The following SMCHD1 variants were observed in gnomAD, a reference collection of about 807,000 sequenced individuals.
SMCHD1 encodes the protein structural maintenance of chromosomes flexible hinge domain containing 1, also known as structural maintenance of chromosomes flexible hinge domain-containing protein 1.
A neutral mutation model predicts 254.7 loss-of-function variants in SMCHD1; 78 were observed. The observed-to-expected ratio is 0.31, with a 90% CI of 0.26 to 0.37. SMCHD1 has a LOEUF of 0.37. Among genes scored for constraint, SMCHD1 ranks in the 10% least tolerant of loss-of-function variants. The pLI, the probability that SMCHD1 is intolerant of heterozygous loss-of-function variation, is 1.00. For missense variants in SMCHD1, 1,840 were observed against 2,408.1 expected (o/e 0.76, Z 4.94); for synonymous variants, 766 against 794.9 (o/e 0.96, Z 0.61).
chr18:2,662,747 G>T (rs940536794), intron 1 of SMCHD1, among the ~76,000 whole-genome samples: 56 of 150,784 alleles, frequency 3.7e-4, no homozygotes, highest in Non-Finnish European at 7.8e-4. Flanking sequence ...GACTGTCATG[G>T]TTATATGAAA....
chr18:2,703,410 T>C (rs1249461451), intron 12 of SMCHD1, among the ~76,000 whole-genome samples: 1 of 152,162 alleles, frequency 6.6e-6, no homozygotes, highest in Non-Finnish European at 1.5e-5. Context: ...CAGTTTTTAG[T>C]GTATCCTAGG....
chr18:2,725,325 C>G (rs1407908086), intron 21 of SMCHD1, among the ~76,000 whole-genome samples: 3 of 150,200 alleles, frequency 2.0e-5, no homozygotes, highest in Admixed American at 2.0e-4. Context: ...CTCTCTCCTA[C>G]TGTTTCTGTC....
chr18:2,754,282 C>T (rs1397633391), intron 34 of SMCHD1, among the ~76,000 whole-genome samples: 1 of 152,100 alleles, frequency 6.6e-6, no homozygotes, highest in Non-Finnish European at 1.5e-5. Context: ...TTCCCAATAC[C>T]AATGCCAGGT....
At chr18:2,750,153 GT>G in intron 31 of SMCHD1, 31 bp downstream of exon 31, 1 of 1,550,022 alleles carries the variant, frequency 6.5e-7, no homozygotes, top group Non-Finnish European at 8.7e-7. Context: ...AGTTGTTGGT[GT>G]TATAGAGATT....
intron 17 of SMCHD1, among the ~76,000 whole-genome samples, chr18:2,709,733 C>G (rs1479749014): frequency 6.6e-6 from 1 of 152,164 alleles, no homozygotes; most frequent in Non-Finnish European, 1.5e-5. Flanking sequence ...AAGGTCTATT[C>G]AGGTCCTTTG....
intron 12 of SMCHD1, chr18:2,702,110 A>C (rs1425749170): frequency 2.6e-5 from 4 of 152,006 alleles, no homozygotes; most frequent in Non-Finnish European, 5.9e-5. Context: ...AGAATAAGTT[A>C]ATTCTATTCC....
chr18:2,756,601 A>G (rs1390764789), intron 34 of SMCHD1, among the ~76,000 whole-genome samples: 2 of 152,228 alleles, frequency 1.3e-5, no homozygotes, highest in East Asian at 1.9e-4. Context: ...TTATCAAACT[A>G]TCTTTTTTTT....
chr18:2,735,839 A>G (rs1327785910), intron 25 of SMCHD1, among the ~76,000 whole-genome samples: 2 of 152,212 alleles, frequency 1.3e-5, no homozygotes, highest in Non-Finnish European at 2.9e-5. Context: ...GCCCAAAGCA[A>G]TCTACAGATT....
chr18:2,770,945 A>G (rs1359836873), intron 39 of SMCHD1, among the ~76,000 whole-genome samples: 2 of 152,148 alleles, frequency 1.3e-5, no homozygotes, highest in African/African-American at 4.8e-5. Context: ...ATTCTTAATA[A>G]TGTTTCATAT....
intron 1 of SMCHD1, among the ~76,000 whole-genome samples, chr18:2,664,047 T>C (rs1056127086): frequency 1.3e-5 from 2 of 152,066 alleles, no homozygotes; most frequent in Non-Finnish European, 2.9e-5. Flanking sequence ...GAAATTTTCT[T>C]ATGAAAACCT....
Position 2,802,641 on chromosome 18 carries a change from C to G in SMCHD1, c.*89C>G. 1 of 1,243,916 alleles carries G rather than the reference C, an allele frequency of 8.0e-7. No individual in the cohort carries two copies. Among genetic ancestry groups the G allele is most frequent in the East Asian group, 2.7e-5 (1 of 37,336 alleles). 77.1% of individuals were successfully genotyped at this position (1,243,916 alleles called of 1,614,324 possible). ...TCAGAAGACCAAGAGGGTGACTTAC[C>G]AGACTGAGTATTTCTGGGGACAATA... On this transcript the variant is annotated 3_prime_UTR_variant, in exon 48 of 48. Coordinates refer to ENST00000320876, the MANE Select transcript of SMCHD1 (RefSeq NM_015295.3).
At chr18:2,717,871 G>A (rs1009990210) in intron 17 of SMCHD1, among the ~76,000 whole-genome samples, 3 of 151,838 alleles carry the variant, frequency 2.0e-5, no homozygotes, top group African/African-American at 7.3e-5. Context: ...GGAATTTTTT[G>A]GAGAGGTCAT....
chr18:2,714,054 C>G (rs570752118), intron 17 of SMCHD1, among the ~76,000 whole-genome samples: 1 of 152,140 alleles, frequency 6.6e-6, no homozygotes, highest in Non-Finnish European at 1.5e-5. Context: ...TTTGTTGCAA[C>G]GTTTTCTATC....
intron 26 of SMCHD1, 31 bp downstream of exon 26, chr18:2,738,576 TG>T: frequency 7.0e-6 from 11 of 1,575,294 alleles, no homozygotes; most frequent in Non-Finnish European, 9.5e-6. Flanking sequence ...TTGCAGCCTA[TG>T]GCAACAAAAT....
Position 2,743,774 on chromosome 18 carries a change from G to A in SMCHD1, c.3647G>A (p.Ser1216Asn). The change falls in exon 29 of 48, where the codon AGT (serine) becomes AAT (asparagine). Residue 1216 changes from serine to asparagine, a missense_variant. Coordinates refer to ENST00000320876, the MANE Select transcript of SMCHD1 (RefSeq NM_015295.3). ...LKTTFQENTQ[S>N]ISVRGIKFIP... ...TTTCCTCACTAGGAAAACACACAGA[G>A]TATAAGTGTAAGAGGCATCAAATTT... is the stretch of plus-strand genomic sequence containing the variant. 5 of 1,610,644 alleles carry A rather than the reference G, an allele frequency of 3.1e-6. No individual in the cohort carries two copies. The highest frequency in any genetic ancestry group is 1.1e-5 in the South Asian group (1 of 90,714).
intron 21 of SMCHD1, 113 bp downstream of exon 21, chr18:2,725,108 G>A: frequency 1.8e-6 from 1 of 570,490 alleles, no homozygotes; most frequent in Non-Finnish European, 2.8e-6. Flanking sequence ...ACAGATGACA[G>A]TAATTGGGTT....
chr18:2,739,198 C>T (rs1473794937), intron 26 of SMCHD1, among the ~76,000 whole-genome samples: 1 of 152,172 alleles, frequency 6.6e-6, no homozygotes, highest in African/African-American at 2.4e-5. Context: ...AATACTGTGA[C>T]TTAACATGTC....
At chr18:2,694,247 G>C (rs2074242798) in intron 7 of SMCHD1, among the ~76,000 whole-genome samples, 1 of 152,162 alleles carries the variant, frequency 6.6e-6, no homozygotes, top group Admixed American at 6.5e-5. Flanking sequence ...CTCAGTATTT[G>C]TCTTTACCTT....
chr18:2,783,668 A>G (rs956259505), intron 44 of SMCHD1, among the ~76,000 whole-genome samples: 1 of 151,286 alleles, frequency 6.6e-6, no homozygotes, highest in African/African-American at 2.4e-5. Flanking sequence ...CGCCTCCTGG[A>G]TTCAAGCGAT....
Sources: allele counts gnomAD v4.1 joint callset (sites outside exome capture counted in the v4.1 genomes callset), GRCh38; gene constraint gnomAD v4.1.1; transcripts MANE v1.5; gene names NCBI Gene and HGNC (gene_info 2026-07-23, HGNC 2026-07-21).